Variants in GALK2 observed in about 807,000 individuals in gnomAD.
The protein encoded by GALK2 is galactokinase 2, also known as N-acetylgalactosamine kinase.
In GALK2, 36 loss-of-function variants were observed where a neutral mutation model predicts 52.4. The ratio of observed to expected loss-of-function variants is 0.69; its 90% CI spans 0.53 to 0.91. The LOEUF (loss-of-function observed/expected upper bound fraction) is 0.91. Ranked by LOEUF, GALK2 falls within the 40% of genes least tolerant of loss-of-function variation. The probability of loss-of-function intolerance (pLI) is 0.00; values close to 1 mark genes in which losing one functional copy is unlikely to be tolerated. For synonymous variants in GALK2, 176 were observed against 199.1 expected (o/e 0.88, Z 0.98); for missense variants, 579 against 559.1 (o/e 1.04, Z -0.36).
At chr15:49,261,993 C>A (rs1348358630) in intron 5 of GALK2, among the ~76,000 whole-genome samples, 1 of 152,188 alleles carries the variant, frequency 6.6e-6, no homozygotes, top group Non-Finnish European at 1.5e-5. Context: ...AGGATTTTTG[C>A]ATCAATGTTC....
chr15:49,354,574 C>T (rs142896175), intron 3 of GALK2, among the ~76,000 whole-genome samples: 3,443 of 152,328 alleles, frequency 0.023, 106 homozygotes, highest in South Asian at 0.077. Context: ...GATTATATCC[C>T]GCACCTGGCT....
intron 3 of GALK2, among the ~76,000 whole-genome samples, chr15:49,220,923 G>A (rs548420950): frequency 4.2e-4 from 64 of 152,100 alleles, no homozygotes; most frequent in South Asian, 3.7e-3. Context: ...ACTTTTAAAT[G>A]GGATTATTAC....
At chr15:49,178,298 T>C (rs1357060260) in intron 1 of GALK2, 1 of 130,854 alleles carries the variant, frequency 7.6e-6, no homozygotes, top group Non-Finnish European at 1.7e-5. Flanking sequence ...TATATACATG[T>C]ACATATATGT....
intron 5 of GALK2, among the ~76,000 whole-genome samples, chr15:49,279,510 C>T (rs1187991605): frequency 6.6e-6 from 1 of 152,190 alleles, no homozygotes; most frequent in Non-Finnish European, 1.5e-5. Context: ...AATCCTGGCA[C>T]TTCCACTTCT....
At chr15:49,291,482 C>A (rs964107699) in intron 7 of GALK2, among the ~76,000 whole-genome samples, 1 of 152,140 alleles carries the variant, frequency 6.6e-6, no homozygotes, top group African/African-American at 2.4e-5. Flanking sequence ...TTCCCCTTCT[C>A]TTGTTTCTTT....
At chr15:49,365,567 C>T (rs2045007847) in intron 3 of GALK2, 5 of 888,938 alleles carry the variant, frequency 5.6e-6, no homozygotes, top group South Asian at 5.2e-5. Flanking sequence ...GGTCCAGCTG[C>T]AAGTTTAACC....
At chr15:49,266,525 A>G (rs114701766) in intron 5 of GALK2, among the ~76,000 whole-genome samples, 3,391 of 152,208 alleles carry the variant, frequency 0.022, 103 homozygotes, top group South Asian at 0.077. Flanking sequence ...ATTCTTCTTA[A>G]TCTTCAGACC....
In GALK2 at chr15:49,179,652, C is replaced by T. The variant is rs1292568032; in HGVS notation, c.53+9277C>T. On this transcript the variant is annotated intron_variant, in intron 1 of 9. Coordinates refer to ENST00000560031, the MANE Select transcript of GALK2 (RefSeq NM_002044.4). ...GCTGTTCTTTTTTCTTTGTTTCTTT[C>T]TTTTTTTTTTTTTTTTTTAAGATTT... Among the ~76,000 whole-genome samples the T allele has an allele frequency of 4.4e-3, 607 of 138,166 alleles. 8 individuals are homozygous for T. The highest frequency in any genetic ancestry group is 0.016 in the African/African-American group (581 of 37,192). 90.6% of individuals were successfully genotyped at this position (138,166 alleles called of 152,430 possible).
intron 3 of GALK2, among the ~76,000 whole-genome samples, chr15:49,360,240 G>A (rs1402671900): frequency 2.7e-5 from 4 of 147,402 alleles, no homozygotes; most frequent in Non-Finnish European, 3.0e-5. Flanking sequence ...ATAGTATAAG[G>A]AAAAAAAAAA....
At chr15:49,313,371 A>G (rs1035911106) in intron 8 of GALK2, among the ~76,000 whole-genome samples, 2 of 152,222 alleles carry the variant, frequency 1.3e-5, no homozygotes, top group Admixed American at 1.3e-4. Context: ...AGCTTTCTAG[A>G]GAGCCAGATT....
chr15:49,199,487 A>G (rs2087543315), intron 1 of GALK2, among the ~76,000 whole-genome samples: 1 of 152,164 alleles, frequency 6.6e-6, no homozygotes, highest in East Asian at 1.9e-4. Flanking sequence ...CCCTGCTGCA[A>G]TCTTTTGTTC....
chr15:49,210,938 G>T (rs2141351918), intron 2 of GALK2, among the ~76,000 whole-genome samples: 1 of 145,676 alleles, frequency 6.9e-6, no homozygotes, highest in Non-Finnish European at 1.5e-5. Flanking sequence ...CTAGAGACGG[G>T]GTTTCCCAAT....
At chr15:49,302,493 G>T (rs1256682676) in intron 8 of GALK2, among the ~76,000 whole-genome samples, 1 of 152,126 alleles carries the variant, frequency 6.6e-6, no homozygotes, top group African/African-American at 2.4e-5. Flanking sequence ...TAAAAATGCA[G>T]TTCTCATAGA....
downstream of GALK2, among the ~76,000 whole-genome samples, chr15:49,333,687 C>G (rs560525214): frequency 6.6e-6 from 1 of 152,166 alleles, no homozygotes; most frequent in African/African-American, 2.4e-5. Flanking sequence ...TGAAGTGTGA[C>G]TGGCACAAAG....
Position 49,300,247 on chromosome 15 carries a change from A to G in GALK2, c.967+7710A>G, listed in dbSNP as rs1468381569. 2.6e-5 allele frequency among the ~76,000 whole-genome samples: 4 copies of G among 152,090 alleles called. No individual in the cohort carries two copies. The East Asian group carries it at 5.8e-4, about 22-fold the overall frequency. On this transcript the variant is annotated intron_variant, in intron 8 of 9. Coordinates refer to ENST00000560031, the MANE Select transcript of GALK2 (RefSeq NM_002044.4). ...GCTTTAAATCTGTTTTGTCTGAAAT[A>G]AGAATAGCAACCCCTGCTCTTTTTG... is the stretch of plus-strand genomic sequence containing the variant.
chr15:49,335,043 C>T (rs925476216), downstream of GALK2, among the ~76,000 whole-genome samples: 3 of 152,168 alleles, frequency 2.0e-5, no homozygotes, highest in African/African-American at 7.2e-5. Flanking sequence ...TGACACCAGC[C>T]CAGCTGCCAC....
At chr15:49,180,352 A>G (rs573924646) in intron 1 of GALK2, among the ~76,000 whole-genome samples, 6 of 152,282 alleles carry the variant, frequency 3.9e-5, no homozygotes, top group African/African-American at 1.2e-4. Context: ...AGTTGTACTT[A>G]TTGCTCTTTT....
At chr15:49,344,601 T>C (rs981438302) in intron 3 of GALK2, among the ~76,000 whole-genome samples, 23 of 152,316 alleles carry the variant, frequency 1.5e-4, no homozygotes, top group Middle Eastern at 3.4e-3. Flanking sequence ...GAAGGAAAGA[T>C]AGCCCTGGTC....
rs150723810 is a variant in GALK2 at position 49,181,917 on chromosome 15, G to C, written c.53+11542G>C. Among the ~76,000 whole-genome samples the C allele has an allele frequency of 5.7e-3, 858 of 151,644 alleles. 4 individuals are homozygous for C. Among genetic ancestry groups the C allele is most frequent in the Non-Finnish European group, 9.4e-3 (636 of 67,912 alleles). On this transcript the variant is annotated intron_variant, in intron 1 of 9. Coordinates refer to ENST00000560031, the MANE Select transcript of GALK2 (RefSeq NM_002044.4). ...GGGTACATGAGATATTTTGATACAG[G>C]CATACAATGTATAATAATCCCATCA...
Sources: allele counts gnomAD v4.1 joint callset (sites outside exome capture counted in the v4.1 genomes callset), GRCh38; gene constraint gnomAD v4.1.1; transcripts MANE v1.5; gene names NCBI Gene and HGNC (gene_info 2026-07-23, HGNC 2026-07-21).